Variants in ADORA2B observed in about 807,000 individuals in gnomAD.
The protein encoded by ADORA2B is adenosine receptor A2b.
In ADORA2B, 18 loss-of-function variants were observed where a neutral mutation model predicts 20.8. The ratio of observed to expected loss-of-function variants is 0.87; its 90% confidence interval spans 0.60 to 1.29. ADORA2B has a LOEUF of 1.29. Among genes scored for constraint, ADORA2B ranks in the 50% most tolerant of loss-of-function variants. ADORA2B has a pLI of 0.00. For missense variants in ADORA2B, 441 were observed against 422.7 expected (o/e 1.04, Z -0.38); for synonymous variants, 179 against 178.3 (o/e 1.00, Z -0.03).
chr17:15,909,263 C>T, the ADORA2B span, among the ~76,000 whole-genome samples: 1 of 152,010 alleles, frequency 6.6e-6, no homozygotes, highest in Non-Finnish European at 1.5e-5. Flanking sequence ...TTCTCTTATC[C>T]AAAAAACACA....
the ADORA2B span, among the ~76,000 whole-genome samples, chr17:15,903,005 C>T: frequency 6.6e-6 from 1 of 152,100 alleles, no homozygotes; most frequent in Admixed American, 6.6e-5. Context: ...TATAATAACT[C>T]ATTAAATTAT....
intron 1 of ADORA2B, among the ~76,000 whole-genome samples, chr17:15,950,097 C>T (rs143707127): frequency 1.3e-3 from 197 of 152,278 alleles, no homozygotes; most frequent in African/African-American, 4.6e-3. Flanking sequence ...CCAACCAAAA[C>T]CCCACAAATA....
chr17:15,922,173 C>G, the ADORA2B span, among the ~76,000 whole-genome samples: 1 of 152,206 alleles, frequency 6.6e-6, no homozygotes, highest in Non-Finnish European at 1.5e-5. Context: ...CTTCCCTTCC[C>G]AGATGCGTAC....
the ADORA2B span, among the ~76,000 whole-genome samples, chr17:15,906,895 G>T: frequency 6.6e-6 from 1 of 152,200 alleles, no homozygotes; most frequent in African/African-American, 2.4e-5. Context: ...CTATTATGAA[G>T]TTCAAGCATG....
chr17:15,883,289 C>T, the ADORA2B span, among the ~76,000 whole-genome samples: 1 of 152,172 alleles, frequency 6.6e-6, no homozygotes, highest in Non-Finnish European at 1.5e-5. Flanking sequence ...AAAAAAATTT[C>T]TCTTACTAAA....
chr17:15,912,693 A>G, the ADORA2B span, among the ~76,000 whole-genome samples: 1 of 152,220 alleles, frequency 6.6e-6, no homozygotes, highest in Non-Finnish European at 1.5e-5. Context: ...ACACATGCAT[A>G]TGCAGGCATA....
chr17:15,947,481 T>A (rs556576456), intron 1 of ADORA2B, among the ~76,000 whole-genome samples: 2 of 152,348 alleles, frequency 1.3e-5, no homozygotes, highest in South Asian at 4.1e-4. Flanking sequence ...GGGAAAGTGC[T>A]GTGAATCACA....
the ADORA2B span, among the ~76,000 whole-genome samples, chr17:15,939,859 CAAAAA>C: frequency 1.9e-5 from 1 of 53,364 alleles, no homozygotes. Context: ...GACTCTGTCT[CAAAAA>C]AAAAAAAAAA....
chr17:15,866,127 C>T, the ADORA2B span, among the ~76,000 whole-genome samples: 3 of 152,148 alleles, frequency 2.0e-5, no homozygotes, highest in South Asian at 2.1e-4. Flanking sequence ...ATGTTCTTGT[C>T]GATGTCTCTT....
At chr17:15,955,415 T>G (rs891065795) in intron 1 of ADORA2B, among the ~76,000 whole-genome samples, 9 of 152,144 alleles carry the variant, frequency 5.9e-5, no homozygotes, top group Non-Finnish European at 1.3e-4. Context: ...GTTTTTTTTT[T>G]TCGAGACAGA....
chr17:15,952,558 C>T (rs745991974), intron 1 of ADORA2B, among the ~76,000 whole-genome samples: 8 of 152,306 alleles, frequency 5.3e-5, no homozygotes, highest in African/African-American at 1.7e-4. Context: ...CCCCCAAACA[C>T]CCCCTTGATG....
At chr17:15,911,196 C>T in the ADORA2B span, among the ~76,000 whole-genome samples, 2 of 152,192 alleles carry the variant, frequency 1.3e-5, no homozygotes, top group African/African-American at 4.8e-5. Flanking sequence ...CTTGAGGCAC[C>T]GTCAGAACCA....
upstream of ADORA2B, among the ~76,000 whole-genome samples, chr17:15,944,532 T>C (rs1338722915): frequency 1.3e-5 from 2 of 150,828 alleles, no homozygotes; most frequent in African/African-American, 4.9e-5. The surrounding 1 kb of genome is among the most constrained non-coding windows in gnomAD (Gnocchi z 4.8). Flanking sequence ...CGGGCGAGGG[T>C]GGAGAACAGC....
upstream of ADORA2B, among the ~76,000 whole-genome samples, chr17:15,943,289 T>A (rs1001478558): frequency 1.3e-5 from 2 of 152,208 alleles, no homozygotes; most frequent in Admixed American, 6.5e-5. Flanking sequence ...CAGATGTGAC[T>A]GTTTATGCCT....
At chr17:15,895,751 TA>T in the ADORA2B span, among the ~76,000 whole-genome samples, 1 of 152,132 alleles carries the variant, frequency 6.6e-6, no homozygotes. Context: ...TGATGGTATT[TA>T]AAGCTGTCAG....
the ADORA2B span, among the ~76,000 whole-genome samples, chr17:15,907,295 T>C: frequency 5.3e-5 from 8 of 152,142 alleles, no homozygotes; most frequent in East Asian, 1.3e-3. Flanking sequence ...ACTAATGATA[T>C]GCTGATAATT....
intron 1 of ADORA2B, among the ~76,000 whole-genome samples, chr17:15,964,844 G>A (rs560777977): frequency 0.012 from 1,763 of 151,954 alleles, 16 homozygotes; most frequent in Non-Finnish European, 0.017. Context: ...GGCGAATCAC[G>A]AGGTCAGGAG....
chr17:15,881,818 C>T, the ADORA2B span, among the ~76,000 whole-genome samples: 2 of 152,226 alleles, frequency 1.3e-5, no homozygotes, highest in Non-Finnish European at 2.9e-5. Flanking sequence ...CATCCTAGTT[C>T]AGGAGTTGTG....
the ADORA2B span, among the ~76,000 whole-genome samples, chr17:15,854,273 G>A: frequency 6.6e-6 from 1 of 152,160 alleles, no homozygotes; most frequent in Admixed American, 6.5e-5. Flanking sequence ...ACATTTAAAA[G>A]ATCATGTTAA....
Sources: gnomAD v4.1 joint callset for allele counts (sites outside exome capture counted in the v4.1 genomes callset) on GRCh38, gnomAD v4.1.1 for gene constraint, Gnocchi (gnomAD v3.1) non-coding constraint, MANE v1.5 for transcripts, NCBI Gene and HGNC (gene_info 2026-07-23, HGNC 2026-07-21) for gene names.